The following ROBO2 variants were observed in gnomAD, a reference collection of about 807,000 sequenced individuals.
The protein encoded by ROBO2 is roundabout homolog 2.
Under a neutral mutation model 160.8 loss-of-function variants are expected in ROBO2, and 53 were observed. That is an observed-to-expected ratio of 0.33 (90% CI 0.26 to 0.41). The LOEUF (loss-of-function observed/expected upper bound fraction) is 0.41, where lower values mean the gene tolerates loss of function less well. Among genes scored for constraint, ROBO2 ranks in the 10% least tolerant of loss-of-function variants. The pLI is 1.00. For synonymous variants in ROBO2, 664 were observed against 611.7 expected (o/e 1.09, Z -1.26); for missense variants, 1,577 against 1,722.4 (o/e 0.92, Z 1.49).
intron 2 of ROBO2, among the ~76,000 whole-genome samples, chr3:77,398,494 G>GA (rs1008188272): frequency 6.6e-6 from 1 of 152,012 alleles, no homozygotes; most frequent in Non-Finnish European, 1.5e-5. Context: ...TACTTACATG[G>GA]AAAAAAATCA....
chr3:76,409,463 T>G (rs2075377663), intron 2 of ROBO2, among the ~76,000 whole-genome samples: 1 of 152,136 alleles, frequency 6.6e-6, no homozygotes, highest in Non-Finnish European at 1.5e-5. Context: ...CTTTTCCTTA[T>G]CAGTTAACAT....
intron 2 of ROBO2, among the ~76,000 whole-genome samples, chr3:77,440,367 CT>C (rs1309978372): frequency 6.6e-6 from 1 of 152,104 alleles, no homozygotes; most frequent in African/African-American, 2.4e-5. Flanking sequence ...ACTTGAGAGT[CT>C]TTTGATCTAA....
At chr3:76,092,752 A>C (rs2069284973) in intron 2 of ROBO2, among the ~76,000 whole-genome samples, 2 of 152,208 alleles carry the variant, frequency 1.3e-5, no homozygotes, top group Non-Finnish European at 2.9e-5. Context: ...TTGCCAGGTC[A>C]TATGTAATCT....
At chr3:76,410,272 C>G (rs1490404850) in intron 2 of ROBO2, among the ~76,000 whole-genome samples, 1 of 152,032 alleles carries the variant, frequency 6.6e-6, no homozygotes, top group South Asian at 2.1e-4. Flanking sequence ...TTAATCAGAT[C>G]TTTGCACTAA....
chr3:77,141,285 C>T (rs1038928718), intron 2 of ROBO2, among the ~76,000 whole-genome samples: 1 of 127,016 alleles, frequency 7.9e-6, no homozygotes, highest in African/African-American at 3.0e-5. Flanking sequence ...CATATAAAGC[C>T]CCCCCCCCTT....
chr3:77,502,871 C>T (rs1319352527), intron 5 of ROBO2, among the ~76,000 whole-genome samples: 1 of 152,004 alleles, frequency 6.6e-6, no homozygotes, highest in East Asian at 1.9e-4. Flanking sequence ...GATGGCAGTC[C>T]TGGAACTAAG....
chr3:76,928,841 T>C (rs755321976), intron 2 of ROBO2, among the ~76,000 whole-genome samples: 10 of 152,220 alleles, frequency 6.6e-5, no homozygotes, highest in Non-Finnish European at 1.5e-4. Context: ...TCTCATCTAA[T>C]GGTTTTAAAT....
intron 2 of ROBO2, among the ~76,000 whole-genome samples, chr3:76,122,718 T>C (rs1559569166): frequency 6.6e-6 from 1 of 152,174 alleles, no homozygotes; most frequent in Admixed American, 6.5e-5. Flanking sequence ...CTAATGTATT[T>C]ATCTGTTTCT....
At position 76,042,263 on chromosome 3, in the gene ROBO2, A is replaced by G. The variant is rs185761282; in HGVS notation, c.109+104661A>G. ...TGAATAAAGTACTTGATTTTAATGC[A>G]TGATATGCAGGTGTATATAAGAACT... On this transcript the variant is annotated intron_variant, in intron 2 of 26. Coordinates refer to the ROBO2 transcript ENST00000487694. Among the ~76,000 whole-genome samples, 280 of 152,124 alleles carry G rather than the reference A, an allele frequency of 1.8e-3. 5 individuals carry two copies. The South Asian group carries it at 0.028, about 15-fold the overall frequency.
chr3:76,201,889 CAAAAAAAAAAA>C (rs3039047), intron 2 of ROBO2, among the ~76,000 whole-genome samples: 6 of 105,582 alleles, frequency 5.7e-5, no homozygotes, highest in Non-Finnish European at 1.1e-4. Flanking sequence ...CGAGAAATGT[CAAAAAAAAAAA>C]AAAAAAAAAA....
At chr3:76,427,514 T>G (rs1331196695) in intron 2 of ROBO2, among the ~76,000 whole-genome samples, 3 of 152,182 alleles carry the variant, frequency 2.0e-5, no homozygotes, top group African/African-American at 7.2e-5. Context: ...CAAAAAAATG[T>G]AACTTAATTC....
At chr3:76,450,758 T>A (rs1273839161) in intron 2 of ROBO2, among the ~76,000 whole-genome samples, 3 of 152,268 alleles carry the variant, frequency 2.0e-5, no homozygotes, top group Non-Finnish European at 2.9e-5. Flanking sequence ...ACTAAAAAAA[T>A]TTGCAAATTT....
chr3:77,331,451 G>C (rs2065952587), intron 2 of ROBO2, among the ~76,000 whole-genome samples: 1 of 152,080 alleles, frequency 6.6e-6, no homozygotes, highest in Non-Finnish European at 1.5e-5. Context: ...CTTGGATATG[G>C]TTTATGTGCC....
intron 2 of ROBO2, among the ~76,000 whole-genome samples, chr3:76,048,521 T>C (rs1329508408): frequency 3.3e-5 from 5 of 152,316 alleles, no homozygotes; most frequent in South Asian, 4.1e-4. Context: ...AAATGATTAG[T>C]CAATGTTTTT....
At chr3:76,851,459 G>T (rs1274957008) in intron 2 of ROBO2, among the ~76,000 whole-genome samples, 1 of 152,056 alleles carries the variant, frequency 6.6e-6, no homozygotes, top group Non-Finnish European at 1.5e-5. Context: ...CATGTGGCCG[G>T]GCGCGGTGGC....
intron 2 of ROBO2, among the ~76,000 whole-genome samples, chr3:75,990,542 G>T (rs1576401207): frequency 6.6e-6 from 1 of 152,058 alleles, no homozygotes; most frequent in East Asian, 1.9e-4. Context: ...ATAACAAAAT[G>T]GTGATTTTTT....
chr3:76,696,202 G>A (rs1164581157), intron 2 of ROBO2, among the ~76,000 whole-genome samples: 2 of 152,118 alleles, frequency 1.3e-5, no homozygotes, highest in Non-Finnish European at 2.9e-5. Context: ...GAGCAGGAAC[G>A]TCGTAGCGAG....
chr3:77,259,440 A>C (rs1380764485), intron 2 of ROBO2, among the ~76,000 whole-genome samples: 1 of 152,230 alleles, frequency 6.6e-6, no homozygotes. Context: ...TAAAGAAATA[A>C]AAATATTATG....
chr3:76,925,012 TC>T (rs1208708337), intron 2 of ROBO2, among the ~76,000 whole-genome samples: 1 of 151,526 alleles, frequency 6.6e-6, no homozygotes, highest in East Asian at 1.9e-4. Flanking sequence ...ATCGAGACCA[TC>T]CCGGCTAAAA....
Sources: gnomAD v4.1 joint callset for allele counts (sites outside exome capture counted in the v4.1 genomes callset) on GRCh38, gnomAD v4.1.1 for gene constraint, MANE v1.5 for transcripts, NCBI Gene and HGNC (gene_info 2026-07-23, HGNC 2026-07-21) for gene names.